Variants in ARHGAP15 observed in about 807,000 individuals in gnomAD.
ARHGAP15 encodes the protein Rho GTPase activating protein 15, also known as rho GTPase-activating protein 15.
ARHGAP15 carries 51 observed loss-of-function variants against 63.7 expected under a neutral mutation model. The observed-to-expected ratio is 0.80, with a 90% CI of 0.64 to 1.01. ARHGAP15 has a LOEUF of 1.01. ARHGAP15 is among the 50% of genes least tolerant of loss of function. The probability of loss-of-function intolerance (pLI) is 0.00; values close to 1 mark genes in which losing one functional copy is unlikely to be tolerated. For synonymous variants in ARHGAP15, 191 were observed against 193.8 expected (o/e 0.99, Z 0.12); for missense variants, 560 against 564.6 (o/e 0.99, Z 0.08).
chr2:143,564,173 C>T (rs1235702980), intron 11 of ARHGAP15: 1 of 152,252 alleles, frequency 6.6e-6, no homozygotes, highest in Non-Finnish European at 1.5e-5. Context: ...GGCAGCTGCC[C>T]TCATCAAAGC....
At chr2:143,580,959 G>C (rs889669004) in intron 11 of ARHGAP15, among the ~76,000 whole-genome samples, 1 of 152,144 alleles carries the variant, frequency 6.6e-6, no homozygotes, top group Non-Finnish European at 1.5e-5. Context: ...CTATGGGCTA[G>C]GTACTGTATG....
At chr2:143,483,082 T>C (rs904789375) in intron 8 of ARHGAP15, among the ~76,000 whole-genome samples, 3 of 152,354 alleles carry the variant, frequency 2.0e-5, no homozygotes, top group African/African-American at 7.2e-5. Context: ...TTTCTCAGTA[T>C]GTATGAGAAG....
At chr2:143,503,932 G>T (rs1025914508) in intron 9 of ARHGAP15, among the ~76,000 whole-genome samples, 2 of 152,142 alleles carry the variant, frequency 1.3e-5, no homozygotes, top group African/African-American at 4.8e-5. Flanking sequence ...CAAAAACAAC[G>T]GTGTAATATA....
intron 4 of ARHGAP15, among the ~76,000 whole-genome samples, chr2:143,225,526 A>T (rs769538186): frequency 1.3e-5 from 2 of 152,192 alleles, no homozygotes; most frequent in African/African-American, 2.4e-5. Context: ...GCATGAACCC[A>T]GGAGGCGGAG....
chr2:143,305,565 T>G (rs1008152233), intron 6 of ARHGAP15: 1 of 152,102 alleles, frequency 6.6e-6, no homozygotes, highest in Non-Finnish European at 1.5e-5. Context: ...CCAAATAAAA[T>G]TACTAATTTT....
intron 9 of ARHGAP15, among the ~76,000 whole-genome samples, chr2:143,514,678 T>C (rs1476423245): frequency 1.3e-5 from 2 of 152,184 alleles, no homozygotes; most frequent in African/African-American, 4.8e-5. Context: ...ATTTCTCATG[T>C]GTCTGTGGTG....
intron 11 of ARHGAP15, among the ~76,000 whole-genome samples, chr2:143,580,310 T>A (rs769631837): frequency 1.3e-5 from 2 of 152,094 alleles, no homozygotes; most frequent in Non-Finnish European, 2.9e-5. Flanking sequence ...TTCCTGTATC[T>A]GTTAGTACCA....
intron 6 of ARHGAP15, among the ~76,000 whole-genome samples, chr2:143,384,101 A>T (rs1687169504): frequency 6.6e-6 from 1 of 152,156 alleles, no homozygotes; most frequent in Admixed American, 6.5e-5. Flanking sequence ...AAATAGTTTG[A>T]CTATACGTAA....
intron 12 of ARHGAP15, among the ~76,000 whole-genome samples, chr2:143,695,476 G>A (rs148257216): frequency 2.8e-4 from 43 of 152,250 alleles, no homozygotes; most frequent in African/African-American, 9.9e-4. Context: ...ACAAAACTGA[G>A]GAGTGCAAGT....
At chr2:143,710,631 G>A (rs538842642) in intron 13 of ARHGAP15, among the ~76,000 whole-genome samples, 29 of 152,292 alleles carry the variant, frequency 1.9e-4, no homozygotes, top group African/African-American at 7.0e-4. Flanking sequence ...AAAACCTAAA[G>A]TTGCTACCAT....
intron 6 of ARHGAP15, among the ~76,000 whole-genome samples, chr2:143,251,623 T>G (rs2104981108): frequency 1.3e-5 from 2 of 152,210 alleles, no homozygotes; most frequent in Middle Eastern, 6.8e-3. Context: ...ATTACTTTTC[T>G]GGTTCTAGTT....
chr2:143,327,434 G>A (rs1484736735), intron 6 of ARHGAP15, among the ~76,000 whole-genome samples: 1 of 152,124 alleles, frequency 6.6e-6, no homozygotes, highest in Non-Finnish European at 1.5e-5. Flanking sequence ...AGCCTGTATA[G>A]CCAAGACAAT....
chr2:143,397,813 T>C (rs1297799910), intron 6 of ARHGAP15, among the ~76,000 whole-genome samples: 2 of 152,146 alleles, frequency 1.3e-5, no homozygotes, highest in Non-Finnish European at 2.9e-5. Flanking sequence ...TGTTTCATCT[T>C]CATTTAGAAT....
chr2:143,430,659 C>A (rs1689345640), intron 6 of ARHGAP15, among the ~76,000 whole-genome samples: 1 of 151,940 alleles, frequency 6.6e-6, no homozygotes. Flanking sequence ...ATTACTATCA[C>A]AAAAATAATT....
chr2:143,214,164 A>T (rs1313969307), intron 3 of ARHGAP15, among the ~76,000 whole-genome samples: 1 of 152,202 alleles, frequency 6.6e-6, no homozygotes, highest in Admixed American at 6.5e-5. Flanking sequence ...AATTGGGGCT[A>T]TATTTTTAGC....
At chr2:143,613,881 C>T (rs938203860) in intron 11 of ARHGAP15, among the ~76,000 whole-genome samples, 1 of 152,152 alleles carries the variant, frequency 6.6e-6, no homozygotes, top group Non-Finnish European at 1.5e-5. Flanking sequence ...ATGCTACTGC[C>T]AGAGCATCTT....
At chr2:143,715,025 C>G (rs1283202868) in intron 13 of ARHGAP15, among the ~76,000 whole-genome samples, 1 of 152,068 alleles carries the variant, frequency 6.6e-6, no homozygotes, top group African/African-American at 2.4e-5. Flanking sequence ...CTATTAGTAC[C>G]AATTTACTGT....
At chr2:143,709,918 C>T (rs1484322545) in intron 13 of ARHGAP15, among the ~76,000 whole-genome samples, 7 of 152,206 alleles carry the variant, frequency 4.6e-5, no homozygotes, top group African/African-American at 1.4e-4. Flanking sequence ...TCTCTCTGGT[C>T]GTCAGGGGCC....
chr2:143,213,812 A>G (rs987190556), intron 3 of ARHGAP15, among the ~76,000 whole-genome samples: 1 of 152,216 alleles, frequency 6.6e-6, no homozygotes, highest in Non-Finnish European at 1.5e-5. Context: ...TCATTCCTGA[A>G]AAGTCTATTG....
Sources: allele counts gnomAD v4.1 joint callset (sites outside exome capture counted in the v4.1 genomes callset), GRCh38; gene constraint gnomAD v4.1.1; transcripts MANE v1.5; gene names NCBI Gene and HGNC (gene_info 2026-07-23, HGNC 2026-07-21).